CTNNB1: variants seen among roughly 807,000 people sequenced by gnomAD.
CTNNB1 encodes catenin beta-1.
In CTNNB1, 6 loss-of-function variants were observed where a neutral mutation model predicts 82.5. The observed-to-expected ratio is 0.07, with a 90% CI of 0.04 to 0.14. CTNNB1 has a LOEUF of 0.14. CTNNB1 is among the 10% of genes least tolerant of loss of function. The probability of loss-of-function intolerance (pLI) is 1.00; values close to 1 mark genes in which losing one functional copy is unlikely to be tolerated. For synonymous variants in CTNNB1, 312 were observed against 329.7 expected, an observed-to-expected ratio of 0.95 and a Z score of 0.58; for missense variants, 529 against 980.4, an observed-to-expected ratio of 0.54 and a Z score of 6.15.
At chr3:41,236,752 G>T in intron 13 of CTNNB1, 43 bp downstream of exon 13, 1 of 1,612,814 alleles carries the variant, frequency 6.2e-7, no homozygotes, top group African/African-American at 1.3e-5. Context: ...GTTTCCTAGA[G>T]CAGGTATGGC....
At chr3:41,233,258 C>G in intron 7 of CTNNB1, 83 bp from the exon 8 acceptor site, 1 of 1,134,400 alleles carries the variant, frequency 8.8e-7, no homozygotes, top group Non-Finnish European at 1.3e-6. Context: ...AGAAGGACAC[C>G]TCCTAAGGCT....
intron 6 of CTNNB1, among the ~76,000 whole-genome samples, chr3:41,226,549 G>A (rs990714281): frequency 1.4e-4 from 22 of 152,280 alleles, no homozygotes; most frequent in African/African-American, 4.6e-4. Context: ...AAAGTTTTGG[G>A]AATTTAAGAA....
At chr3:41,200,793 G>A (rs2077512289) in intron 1 of CTNNB1, among the ~76,000 whole-genome samples, 1 of 152,144 alleles carries the variant, frequency 6.6e-6, no homozygotes, top group Non-Finnish European at 1.5e-5. Context: ...TTGGCAGTTG[G>A]GTGTATGTAG....
intron 14 of CTNNB1, 69 bp downstream of exon 14, chr3:41,238,145 C>A: frequency 7.1e-7 from 1 of 1,407,956 alleles, no homozygotes; most frequent in Non-Finnish European, 1.0e-6. Context: ...TCAGAAGAGC[C>A]GGTTTGCTCA....
Position 41,240,427 on chromosome 3 carries a change from A to AAAC in CTNNB1, c.*1086_*1088dup, listed in dbSNP as rs2078557580. On this transcript the variant is annotated 3_prime_UTR_variant, in exon 15 of 15. Coordinates refer to ENST00000349496, the MANE Select transcript of CTNNB1 (RefSeq NM_001904.4). ...CGGTTATAAAAAATGGTTCAGAATT[A>AAAC]AACTTTTAATTCATTCGATTGTGTC... The AAAC allele has an allele frequency of 1.1e-5, 2 of 179,910 alleles. No homozygotes were observed. The highest frequency in any genetic ancestry group is 3.9e-4 in the South Asian group (2 of 5,066). 11.1% of individuals were successfully genotyped at this position (179,910 alleles called of 1,614,324 possible).
chr3:41,230,165 C>T (rs2078274944), intron 7 of CTNNB1, among the ~76,000 whole-genome samples: 1 of 152,132 alleles, frequency 6.6e-6, no homozygotes, highest in Non-Finnish European at 1.5e-5. Context: ...TAACTACTGG[C>T]AGAGGAACCA....
At chr3:41,206,384 G>T (rs1009714543) in intron 1 of CTNNB1, among the ~76,000 whole-genome samples, 1 of 152,216 alleles carries the variant, frequency 6.6e-6, no homozygotes, top group East Asian at 1.9e-4. Flanking sequence ...TACTAACAGG[G>T]TTTTGTAATA....
intron 1 of CTNNB1, among the ~76,000 whole-genome samples, chr3:41,212,808 C>T (rs2077825475): frequency 6.6e-6 from 1 of 152,162 alleles, no homozygotes; most frequent in South Asian, 2.1e-4. Context: ...ATCTTTATTC[C>T]TGTTATTTAA....
intron 6 of CTNNB1, among the ~76,000 whole-genome samples, chr3:41,226,223 CT>C (rs2078173927): frequency 6.6e-6 from 1 of 152,180 alleles, no homozygotes; most frequent in Middle Eastern, 3.2e-3. Context: ...CATTTCTGTT[CT>C]TTTAAATTTT....
chr3:41,233,169 G>C, intron 7 of CTNNB1, 172 bp from the exon 8 acceptor site: 1 of 677,162 alleles, frequency 1.5e-6, no homozygotes, highest in Non-Finnish European at 2.6e-6. Context: ...AACTGGCAAA[G>C]TGAAGGAAAC....
chr3:41,237,787 G>A, intron 13 of CTNNB1: 1 of 428,534 alleles, frequency 2.3e-6, no homozygotes, highest in Admixed American at 3.8e-5. Flanking sequence ...TATAATATTT[G>A]TTGAAAGAAC....
At position 41,240,247 on chromosome 3, in the gene CTNNB1, T is replaced by G. The variant is rs148378295; in HGVS notation, c.*905T>G. On this transcript the variant is annotated 3_prime_UTR_variant, in exon 15 of 15. Coordinates refer to ENST00000349496, the MANE Select transcript of CTNNB1 (RefSeq NM_001904.4). The stretch of plus-strand genomic sequence containing the variant: ...TGCTTAAAATAAGCAGGTGGATCTA[T>G]TTCATGTTTTTGATCAAAAACTATT... The G allele has an allele frequency of 4.3e-4, 84 of 194,498 alleles. No individual in the cohort carries two copies. In the East Asian group the frequency reaches 5.8e-3, roughly 13 times the overall value. The allele number at this position is 194,498 out of a possible 1,614,324, so 12.0% of individuals were successfully genotyped here.
chr3:41,220,824 A>G (rs1446606424), intron 1 of CTNNB1: 1 of 152,240 alleles, frequency 6.6e-6, no homozygotes, highest in Non-Finnish European at 1.5e-5. Flanking sequence ...CTCCTAGTTA[A>G]TAATACTCAA....
At chr3:41,231,718 T>A (rs972027672) in intron 7 of CTNNB1, among the ~76,000 whole-genome samples, 1 of 152,108 alleles carries the variant, frequency 6.6e-6, no homozygotes, top group African/African-American at 2.4e-5. Context: ...TTGTATAGAT[T>A]AACAGTTTGA....
In CTNNB1 at chr3:41,208,222, G is replaced by A. The variant is rs555229971; in HGVS notation, c.-49+8552G>A. ...AGTTATGCCAGAATATAAGTCACCT[G>A]TGTCACTAAGTTTACTGTTTAGCTT... On this transcript the variant is annotated intron_variant, in intron 1 of 14. Transcript: ENST00000349496. Among the ~76,000 whole-genome samples the A allele has an allele frequency of 1.3e-4, 20 of 150,630 alleles. No homozygotes were observed. In the East Asian group the frequency reaches 3.7e-3, roughly 28 times the overall value.
chr3:41,235,670 C>A (rs893974016), intron 10 of CTNNB1, 54 bp from the exon 11 acceptor site: 33 of 1,613,092 alleles, frequency 2.0e-5, no homozygotes, highest in Non-Finnish European at 2.8e-5. Context: ...ATAATTGTTC[C>A]TCAAACTTTA....
chr3:41,202,456 T>C (rs565986890), intron 1 of CTNNB1, among the ~76,000 whole-genome samples: 1 of 152,226 alleles, frequency 6.6e-6, no homozygotes, highest in South Asian at 2.1e-4. Context: ...ATGTGTTAAC[T>C]TAGTTTTCTT....
chr3:41,207,888 G>GAGGGA (rs2077686684), intron 1 of CTNNB1, among the ~76,000 whole-genome samples: 1 of 152,134 alleles, frequency 6.6e-6, no homozygotes. Flanking sequence ...TTATAACACT[G>GAGGGA]AACTAGGAGG....
At chr3:41,215,382 CAAAAAAAAAAA>C (rs35166040) in intron 1 of CTNNB1, among the ~76,000 whole-genome samples, 2 of 48,848 alleles carry the variant, frequency 4.1e-5, no homozygotes, top group African/African-American at 2.0e-4. Flanking sequence ...AACACCATCT[CAAAAAAAAAAA>C]AAAAAAAAAA....
Sources: gnomAD v4.1 joint callset for allele counts (sites outside exome capture counted in the v4.1 genomes callset) on GRCh38, gnomAD v4.1.1 for gene constraint, MANE v1.5 for transcripts, NCBI Gene and HGNC (gene_info 2026-07-23, HGNC 2026-07-21) for gene names.